The following GALNTL6 variants were observed in gnomAD, a reference collection of about 807,000 sequenced individuals.
The protein encoded by GALNTL6 is polypeptide N-acetylgalactosaminyltransferase like 6.
In GALNTL6, 46 loss-of-function variants were observed where a neutral mutation model predicts 73.7. That is an observed-to-expected ratio of 0.62 (90% CI 0.49 to 0.80). The LOEUF (loss-of-function observed/expected upper bound fraction) is 0.80. Among genes scored for constraint, GALNTL6 ranks in the 30% least tolerant of loss-of-function variants. The probability of loss-of-function intolerance (pLI) is 0.00; values close to 1 mark genes in which losing one functional copy is unlikely to be tolerated. For missense variants in GALNTL6, 604 were observed against 755.0 expected, an observed-to-expected ratio of 0.80 and a Z score of 2.34; for synonymous variants, 259 against 263.7, an observed-to-expected ratio of 0.98 and a Z score of 0.17.
chr4:172,524,074 T>G (rs1027889403), intron 5 of GALNTL6, among the ~76,000 whole-genome samples: 1 of 152,214 alleles, frequency 6.6e-6, no homozygotes, highest in Non-Finnish European at 1.5e-5. Context: ...CGTAAGCACA[T>G]ATGTCTATAA....
intron 2 of GALNTL6, among the ~76,000 whole-genome samples, chr4:171,918,245 G>C (rs891505611): frequency 6.6e-6 from 1 of 152,046 alleles, no homozygotes; most frequent in Non-Finnish European, 1.5e-5. Context: ...AATGATGAAA[G>C]TATCAAAAAT....
chr4:172,063,408 A>G lies in GALNTL6; in HGVS notation c.139-166248A>G, dbSNP rs564738721. On this transcript the variant is annotated intron_variant, in intron 2 of 12. Transcript: ENST00000506823. ...TGTTTATATTTTAAATGTCTATAGA[A>G]TATTACAGATTTTTCCCTAAAACTC... Among the ~76,000 whole-genome samples, 3 of 152,304 alleles carry G rather than the reference A, an allele frequency of 2.0e-5. No homozygotes were observed. The South Asian group carries it at 6.2e-4, about 32-fold the overall frequency.
chr4:171,900,417 C>T (rs1737051382), intron 2 of GALNTL6, among the ~76,000 whole-genome samples: 1 of 151,972 alleles, frequency 6.6e-6, no homozygotes. Flanking sequence ...AAGCGATTTT[C>T]CTGCCTCAGC....
intron 5 of GALNTL6, among the ~76,000 whole-genome samples, chr4:172,757,137 G>C (rs1310357548): frequency 6.6e-6 from 1 of 152,138 alleles, no homozygotes; most frequent in African/African-American, 2.4e-5. Flanking sequence ...TAAGCATCTG[G>C]TGTATGCCAG....
At chr4:172,425,188 T>C (rs1304128868) in intron 5 of GALNTL6, 1 of 152,104 alleles carries the variant, frequency 6.6e-6, no homozygotes, top group African/African-American at 2.4e-5. Flanking sequence ...ATGTGAACAA[T>C]GCATCTTAGT....
chr4:172,345,094 G>GT (rs34057253), intron 4 of GALNTL6, among the ~76,000 whole-genome samples: 8,182 of 141,600 alleles, frequency 0.058, 678 homozygotes, highest in African/African-American at 0.19. Context: ...AAGAGGTATT[G>GT]TTTTTTTTTT....
chr4:172,525,260 T>C (rs1734912760), intron 5 of GALNTL6, among the ~76,000 whole-genome samples: 1 of 152,184 alleles, frequency 6.6e-6, no homozygotes, highest in South Asian at 2.1e-4. Context: ...TTCACACAAA[T>C]GTTTTAGGAT....
chr4:172,141,588 T>C (rs181081012), intron 2 of GALNTL6, among the ~76,000 whole-genome samples: 1 of 152,048 alleles, frequency 6.6e-6, no homozygotes, highest in East Asian at 1.9e-4. Context: ...CTTATTTTAA[T>C]ATTTTAAACT....
chr4:172,563,727 A>G (rs1346286922), intron 5 of GALNTL6, among the ~76,000 whole-genome samples: 2 of 152,236 alleles, frequency 1.3e-5, no homozygotes, highest in Non-Finnish European at 2.9e-5. Flanking sequence ...CAAAGAAAAT[A>G]TAACTTATTC....
At chr4:172,477,306 C>A (rs1463905660) in intron 5 of GALNTL6, among the ~76,000 whole-genome samples, 1 of 151,530 alleles carries the variant, frequency 6.6e-6, no homozygotes, top group African/African-American at 2.4e-5. Flanking sequence ...ACAGACCTGC[C>A]TATCTATAGA....
At chr4:172,619,507 A>C (rs889057705) in intron 5 of GALNTL6, among the ~76,000 whole-genome samples, 5 of 152,202 alleles carry the variant, frequency 3.3e-5, no homozygotes, top group Admixed American at 6.5e-5. Context: ...TCAGAACAAC[A>C]AACTAATTTT....
intron 2 of GALNTL6, among the ~76,000 whole-genome samples, chr4:171,860,754 ATC>A (rs2110878161): frequency 6.6e-6 from 1 of 152,216 alleles, no homozygotes; most frequent in Non-Finnish European, 1.5e-5. Flanking sequence ...CTTAATATGG[ATC>A]TGTTTCGGTT....
At chr4:172,703,031 C>T (rs1394495103) in intron 5 of GALNTL6, among the ~76,000 whole-genome samples, 1 of 151,828 alleles carries the variant, frequency 6.6e-6, no homozygotes, top group Non-Finnish European at 1.5e-5. Context: ...GTTATTTCCT[C>T]TAAATTTGTA....
intron 2 of GALNTL6, among the ~76,000 whole-genome samples, chr4:171,989,015 T>C (rs933290195): frequency 2.0e-5 from 3 of 151,930 alleles, no homozygotes; most frequent in Admixed American, 6.6e-5. Context: ...ATAAGGGAAC[T>C]GGGCAGGTGG....
intron 2 of GALNTL6, chr4:172,052,537 C>T (rs755988874): frequency 5.9e-6 from 9 of 1,530,516 alleles, no homozygotes; most frequent in Non-Finnish European, 7.9e-6. Flanking sequence ...ACCAGGTAAC[C>T]GGTAAAAAGC....
chr4:172,836,181 C>A (rs1298242995), intron 7 of GALNTL6, among the ~76,000 whole-genome samples: 2 of 152,208 alleles, frequency 1.3e-5, no homozygotes, highest in Non-Finnish European at 2.9e-5. Flanking sequence ...ACTCTGCCCA[C>A]TTGGTTCAGC....
At chr4:172,116,799 A>C (rs1560929658) in intron 2 of GALNTL6, among the ~76,000 whole-genome samples, 1 of 152,202 alleles carries the variant, frequency 6.6e-6, no homozygotes, top group Non-Finnish European at 1.5e-5. Context: ...ATATTTAGAA[A>C]ATTTAATGTG....
At chr4:171,967,452 T>TTTTTTTTTG (rs1553976667) in intron 2 of GALNTL6, among the ~76,000 whole-genome samples, 1 of 122,552 alleles carries the variant, frequency 8.2e-6, no homozygotes, top group Non-Finnish European at 1.5e-5. Context: ...TATGGGTTTT[T>TTTTTTTTTG]TTTTTTTTTT....
At chr4:172,968,896 T>C (rs931081726) in intron 10 of GALNTL6, among the ~76,000 whole-genome samples, 3 of 152,030 alleles carry the variant, frequency 2.0e-5, no homozygotes, top group Admixed American at 2.0e-4. Context: ...ATATGGAAAA[T>C]AAAAGCAGTT....
Sources: gnomAD v4.1 joint callset for allele counts (sites outside exome capture counted in the v4.1 genomes callset) on GRCh38, gnomAD v4.1.1 for gene constraint, MANE v1.5 for transcripts, NCBI Gene and HGNC (gene_info 2026-07-23, HGNC 2026-07-21) for gene names.